Variants in NMUR2 observed in about 807,000 individuals in gnomAD.
NMUR2 encodes the protein neuromedin-U receptor 2.
NMUR2 carries 24 observed loss-of-function variants against 25.1 expected under a neutral mutation model. The ratio of observed to expected loss-of-function variants is 0.96; its 90% confidence interval spans 0.69 to 1.34. NMUR2 has a LOEUF of 1.34. Ranked by LOEUF, NMUR2 falls within the 40% of genes most tolerant of loss-of-function variation. NMUR2 has a pLI of 0.00. For missense variants in NMUR2, 533 were observed against 512.8 expected (o/e 1.04, Z -0.38); for synonymous variants, 218 against 208.1 (o/e 1.05, Z -0.41).
At chr5:152,393,745 T>C (rs1298483231) in intron 3 of NMUR2, among the ~76,000 whole-genome samples, 1 of 152,194 alleles carries the variant, frequency 6.6e-6, no homozygotes, top group Non-Finnish European at 1.5e-5. Context: ...AGGACTGTGA[T>C]AATCATAAAA....
Position 152,392,048 on chromosome 5 carries a change from T to C in NMUR2, c.*143A>G. On this transcript the variant is annotated 3_prime_UTR_variant, in exon 4 of 4. Transcript: ENST00000255262. ...CAGATCTAACTCTCAGTTTTCACGT[T>C]TATTAAAAAAAAAAAAACTAGCAAT... 1.4e-6 allele frequency: 1 copy of C among 701,746 alleles called. No individual in the cohort carries two copies. Among genetic ancestry groups the C allele is most frequent in the Non-Finnish European group, 2.3e-6 (1 of 431,612 alleles). 43.5% of individuals were successfully genotyped at this position (701,746 alleles called of 1,614,324 possible). A position where few individuals can be genotyped will look rare whatever the true frequency, so the allele number is the denominator to read the frequency against.
At chr5:152,401,548 A>T (rs1323721846) in intron 1 of NMUR2, among the ~76,000 whole-genome samples, 1 of 152,186 alleles carries the variant, frequency 6.6e-6, no homozygotes, top group Admixed American at 6.5e-5. Context: ...TTACTTAAAA[A>T]AATTAGTGCA....
chr5:152,398,130 T>G lies in NMUR2; in HGVS notation c.741A>C (p.Lys247Asn). 6.2e-7 allele frequency: 1 copy of G among 1,612,426 alleles called. No homozygotes were observed. Among genetic ancestry groups the G allele is most frequent in the Non-Finnish European group, 8.5e-7 (1 of 1,178,914 alleles). ...CATTCCCTTCATCTGCCTCAAGAGA[T>G]TTGTCTTTCTTTAGCTGAAAGGGAA... Reference protein sequence around the residue: ...YLMALRLKKDKSLEADEGNAN... With the variant: ...YLMALRLKKDNSLEADEGNAN... The change falls in exon 2 of 4, where the codon AAA becomes AAC. Residue 247 changes from lysine (K) to asparagine (N), a missense_variant. Coordinates refer to ENST00000255262, the MANE Select transcript of NMUR2 (RefSeq NM_020167.5).
chr5:152,391,848 GC>G lies in NMUR2; in HGVS notation c.*342del. On this transcript the variant is annotated 3_prime_UTR_variant, in exon 4 of 4. Transcript: ENST00000255262. ...GTGGCCATTGGTAGTAGGAGTGACAGCCTGACTCGGAACGTAGATGACTCAG... is the reference window on the plus strand; with the variant it reads ...GTGGCCATTGGTAGTAGGAGTGACAGCTGACTCGGAACGTAGATGACTCAG... 1 of 198,550 alleles carries G rather than the reference GC, an allele frequency of 5.0e-6. No homozygotes were observed. Among genetic ancestry groups the G allele is most frequent in the South Asian group, 1.0e-4 (1 of 9,862 alleles). 12.3% of individuals were successfully genotyped at this position (198,550 alleles called of 1,614,324 possible).
intron 3 of NMUR2, among the ~76,000 whole-genome samples, chr5:152,393,252 T>G (rs1309731345): frequency 6.6e-6 from 1 of 152,166 alleles, no homozygotes; most frequent in Admixed American, 6.5e-5. Flanking sequence ...TCTTTCTCTG[T>G]AAAATGGGAA....
At position 152,401,544 on chromosome 5, in the gene NMUR2, A is replaced by G. The variant is rs1404662224; in HGVS notation, c.726+2844T>C. Among the ~76,000 whole-genome samples, 5 of 152,268 alleles carry G rather than the reference A, an allele frequency of 3.3e-5. No homozygotes were observed. The East Asian group carries it at 7.7e-4, about 24-fold the overall frequency. On this transcript the variant is annotated intron_variant, in intron 1 of 3. Coordinates refer to ENST00000255262, the MANE Select transcript of NMUR2 (RefSeq NM_020167.5). ...TAATCTTAACACAATCTATTTACTT[A>G]AAAAAATTAGTGCAACCCTGTGTTG...
chr5:152,395,253 A>G (rs1753128885), intron 3 of NMUR2, among the ~76,000 whole-genome samples: 1 of 152,196 alleles, frequency 6.6e-6, no homozygotes, highest in African/African-American at 2.4e-5. Flanking sequence ...TCCATAAAGT[A>G]GCCTTGAAAA....
intron 2 of NMUR2, among the ~76,000 whole-genome samples, chr5:152,397,450 T>C (rs1047195684): frequency 6.6e-6 from 1 of 152,148 alleles, no homozygotes; most frequent in African/African-American, 2.4e-5. Context: ...TTATACAATG[T>C]CATATGTGAA....
At chr5:152,392,985 C>T (rs747653855) in intron 3 of NMUR2, among the ~76,000 whole-genome samples, 27 of 152,280 alleles carry the variant, frequency 1.8e-4, no homozygotes, top group South Asian at 6.2e-4. Context: ...TATTCCCTAG[C>T]GTGCTGTTCC....
intron 1 of NMUR2, among the ~76,000 whole-genome samples, chr5:152,398,578 G>A (rs1423501621): frequency 6.6e-6 from 1 of 152,118 alleles, no homozygotes; most frequent in Non-Finnish European, 1.5e-5. Flanking sequence ...AATTCTTCTT[G>A]CCTCATCAGT....
rs1387899602 is a variant in NMUR2, at chr5:152,404,385, C to T, written c.726+3G>A. On this transcript the variant is annotated splice_donor_region_variant and intron_variant, in intron 1 of 3. Coordinates refer to ENST00000255262, the MANE Select transcript of NMUR2 (RefSeq NM_020167.5). ...CTCAGGCCACCCCAGCCTAGATACT[C>T]ACTCTGAGTGCCATGAGGTAGTAGA... The T allele has an allele frequency of 6.2e-7, 1 of 1,605,010 alleles. No homozygotes were observed. The highest frequency in any genetic ancestry group is 1.7e-5 in the Admixed American group (1 of 59,554).
At chr5:152,397,404 T>A (rs1006131579) in intron 2 of NMUR2, among the ~76,000 whole-genome samples, 1 of 152,166 alleles carries the variant, frequency 6.6e-6, no homozygotes, top group Non-Finnish European at 1.5e-5. Flanking sequence ...TTTAAAAAGA[T>A]CTTATTTATT....
At chr5:152,402,397 G>A (rs1005195631) in intron 1 of NMUR2, among the ~76,000 whole-genome samples, 30 of 152,110 alleles carry the variant, frequency 2.0e-4, no homozygotes, top group African/African-American at 5.3e-4. Flanking sequence ...CTTTGTAAGC[G>A]TTAGTTTCTT....
chr5:152,402,032 C>A (rs1234337024), intron 1 of NMUR2, among the ~76,000 whole-genome samples: 9 of 152,108 alleles, frequency 5.9e-5, no homozygotes, highest in Non-Finnish European at 1.3e-4. Context: ...AGTAATTTGG[C>A]CTCATTCATT....
Position 152,405,232 on chromosome 5 carries a change from G to T in NMUR2, c.-119C>A, listed in dbSNP as rs1322525043. 8.3e-7 allele frequency: 1 copy of T among 1,209,296 alleles called. No homozygotes were observed. The highest frequency in any genetic ancestry group is 1.1e-6 in the Non-Finnish European group (1 of 877,354). 74.9% of individuals were successfully genotyped at this position (1,209,296 alleles called of 1,614,324 possible). A position where few individuals can be genotyped will look rare whatever the true frequency, so the allele number is the denominator to read the frequency against. On this transcript the variant is annotated 5_prime_UTR_variant, in exon 1 of 4. Coordinates refer to ENST00000255262, the MANE Select transcript of NMUR2 (RefSeq NM_020167.5). ...GAGAAAGCAGTCACGAAAGTCACAG[G>T]CTTCGTAAGGAAGGCTGGGAGAGAG...
At chr5:152,403,462 C>G (rs924254315) in intron 1 of NMUR2, among the ~76,000 whole-genome samples, 3 of 152,048 alleles carry the variant, frequency 2.0e-5, no homozygotes, top group African/African-American at 7.2e-5. Context: ...AAAATAGTTT[C>G]TCTCAGCTAA....
At chr5:152,396,197 A>AAC (rs3042430) in intron 2 of NMUR2, among the ~76,000 whole-genome samples, 2,928 of 143,438 alleles carry the variant, frequency 0.02, 18 homozygotes, top group South Asian at 0.032. Context: ...CCACAAATTA[A>AAC]ACACACACAC....
In NMUR2 at chr5:152,392,071, A is replaced by G; in HGVS notation, c.*120T>C. On this transcript the variant is annotated 3_prime_UTR_variant, in exon 4 of 4. Transcript: ENST00000255262. The stretch of plus-strand genomic sequence containing the variant: ...GTTTATTAAAAAAAAAAAAACTAGC[A>G]ATGGGTACATGAGTTGTAAGAGCCA... The G allele has an allele frequency of 1.2e-6, 1 of 832,908 alleles. No homozygotes were observed. Among genetic ancestry groups the G allele is most frequent in the Admixed American group, 2.7e-5 (1 of 36,462 alleles). The allele number at this position is 832,908 out of a possible 1,614,324, so 51.6% of individuals were successfully genotyped here.
At chr5:152,398,235 T>C (rs934913363) in intron 1 of NMUR2, 91 bp from the exon 2 acceptor site, 2 of 857,118 alleles carry the variant, frequency 2.3e-6, no homozygotes, top group Non-Finnish European at 3.8e-6. Flanking sequence ...AACGCTCATT[T>C]TGAAGACAGA....
Sources: gnomAD v4.1 joint callset for allele counts (sites outside exome capture counted in the v4.1 genomes callset) on GRCh38, gnomAD v4.1.1 for gene constraint, MANE v1.5 for transcripts, NCBI Gene and HGNC (gene_info 2026-07-23, HGNC 2026-07-21) for gene names.